The following ADCY8 variants were observed in gnomAD, a reference collection of about 807,000 sequenced individuals.
The protein encoded by ADCY8 is adenylate cyclase 8, also known as adenylate cyclase type 8.
In ADCY8, 51 loss-of-function variants were observed where a neutral mutation model predicts 119.7. The observed-to-expected ratio is 0.43, with a 90% confidence interval of 0.34 to 0.54. The LOEUF (loss-of-function observed/expected upper bound fraction) is 0.54, where lower values mean the gene tolerates loss of function less well. ADCY8 is among the 20% of genes least tolerant of loss of function. The pLI is 0.03. For synonymous variants in ADCY8, 665 were observed against 651.0 expected, an observed-to-expected ratio of 1.02 and a Z score of -0.33; for missense variants, 1,383 against 1,598.8, an observed-to-expected ratio of 0.87 and a Z score of 2.30.
intron 14 of ADCY8, among the ~76,000 whole-genome samples, chr8:130,805,040 C>T (rs185611497): frequency 1.2e-3 from 187 of 151,864 alleles, no homozygotes; most frequent in African/African-American, 4.3e-3. Flanking sequence ...AGCTACTGCC[C>T]CCAGCCTCAT....
chr8:130,981,664 T>C lies in ADCY8; in HGVS notation c.1110+8729A>G, dbSNP rs542668544. On this transcript the variant is annotated intron_variant, in intron 2 of 17. Coordinates refer to ENST00000286355, the MANE Select transcript of ADCY8 (RefSeq NM_001115.3). ...TGCAAATTATAATTGCACATGAGCA[T>C]AGGGTCATGAACTGTCTTTGAATCA... Among the ~76,000 whole-genome samples, 4 of 152,354 alleles carry C rather than the reference T, an allele frequency of 2.6e-5. No homozygotes were observed. In the South Asian group the frequency reaches 8.3e-4, roughly 32 times the overall value.
chr8:130,952,875 G>A (rs1821315990), intron 2 of ADCY8, among the ~76,000 whole-genome samples: 1 of 152,142 alleles, frequency 6.6e-6, no homozygotes. Context: ...TACACTTACA[G>A]AAACAGCGAA....
chr8:130,841,058 A>C (rs996565475), intron 11 of ADCY8, among the ~76,000 whole-genome samples: 11 of 152,224 alleles, frequency 7.2e-5, no homozygotes, highest in Non-Finnish European at 1.5e-4. Flanking sequence ...GAGGTGTGAA[A>C]GAGACCAGAT....
At chr8:130,945,660 T>C (rs1821085482) in intron 3 of ADCY8, among the ~76,000 whole-genome samples, 1 of 152,240 alleles carries the variant, frequency 6.6e-6, no homozygotes. Context: ...TATAATTGCA[T>C]GTTATATTTG....
At chr8:130,899,056 A>C (rs558373223) in intron 7 of ADCY8, among the ~76,000 whole-genome samples, 1 of 152,282 alleles carries the variant, frequency 6.6e-6, no homozygotes, top group East Asian at 1.9e-4. Context: ...TGCTCTAGCC[A>C]CTTGGGACTT....
At chr8:130,958,375 G>A (rs192339831) in intron 2 of ADCY8, among the ~76,000 whole-genome samples, 3 of 152,156 alleles carry the variant, frequency 2.0e-5, no homozygotes, top group Non-Finnish European at 2.9e-5. Flanking sequence ...TTACCCTCTC[G>A]TGGAGACCTC....
At chr8:131,010,333 C>A (rs954467055) in intron 1 of ADCY8, among the ~76,000 whole-genome samples, 1 of 152,188 alleles carries the variant, frequency 6.6e-6, no homozygotes, top group Non-Finnish European at 1.5e-5. Flanking sequence ...TAAAATCCAA[C>A]TATTATTTGC....
intron 6 of ADCY8, among the ~76,000 whole-genome samples, chr8:130,906,185 G>A (rs559075332): frequency 6.6e-6 from 1 of 152,260 alleles, no homozygotes; most frequent in Admixed American, 6.5e-5. Flanking sequence ...TAATACATAT[G>A]AACTCAATAA....
chr8:130,885,467 T>A (rs1395957927), intron 7 of ADCY8, among the ~76,000 whole-genome samples: 1 of 152,044 alleles, frequency 6.6e-6, no homozygotes, highest in Non-Finnish European at 1.5e-5. Flanking sequence ...GGGAAAGGCA[T>A]AACCACCACG....
intron 2 of ADCY8, among the ~76,000 whole-genome samples, chr8:130,974,200 G>A (rs530532006): frequency 1.4e-4 from 22 of 152,346 alleles, no homozygotes; most frequent in African/African-American, 5.3e-4. Flanking sequence ...AAGAATGGCA[G>A]CCTTTGCTGG....
intron 4 of ADCY8, among the ~76,000 whole-genome samples, chr8:130,941,295 T>C (rs1426233471): frequency 6.6e-6 from 1 of 152,184 alleles, no homozygotes; most frequent in Non-Finnish European, 1.5e-5. Context: ...CATGTGATTT[T>C]CCCTTGCCAG....
chr8:130,896,872 A>T (rs1354340234), intron 7 of ADCY8, among the ~76,000 whole-genome samples: 2 of 152,104 alleles, frequency 1.3e-5, no homozygotes, highest in African/African-American at 4.8e-5. Context: ...TCTGAAGTGT[A>T]TGTGGCTCAC....
intron 2 of ADCY8, among the ~76,000 whole-genome samples, chr8:130,984,194 C>G (rs1360626397): frequency 1.3e-5 from 2 of 150,700 alleles, no homozygotes; most frequent in Admixed American, 1.3e-4. Context: ...GTGGGGAGGA[C>G]AGGAGCCTGC....
intron 7 of ADCY8, among the ~76,000 whole-genome samples, chr8:130,900,840 G>A (rs1819574432): frequency 6.6e-6 from 1 of 152,138 alleles, no homozygotes; most frequent in Non-Finnish European, 1.5e-5. Context: ...CACATCCCTT[G>A]CACAGTTCTT....
chr8:130,982,683 A>T (rs1169623888), intron 2 of ADCY8, among the ~76,000 whole-genome samples: 2 of 148,692 alleles, frequency 1.3e-5, no homozygotes, highest in Non-Finnish European at 2.9e-5. Flanking sequence ...CCACATATAT[A>T]ATTTAAAAAT....
chr8:130,942,767 G>A (rs1383150707), intron 4 of ADCY8, among the ~76,000 whole-genome samples: 1 of 152,196 alleles, frequency 6.6e-6, no homozygotes, highest in Non-Finnish European at 1.5e-5. Context: ...TAACTCAAGT[G>A]GCTTTAGGAC....
intron 5 of ADCY8, among the ~76,000 whole-genome samples, chr8:130,931,457 T>C (rs181828184): frequency 7.2e-5 from 11 of 152,298 alleles, no homozygotes; most frequent in Admixed American, 7.2e-4. Context: ...GATCTTTGAC[T>C]TTCATGTACC....
At chr8:131,002,405 G>T (rs1347971322) in intron 1 of ADCY8, among the ~76,000 whole-genome samples, 1 of 152,214 alleles carries the variant, frequency 6.6e-6, no homozygotes, top group Non-Finnish European at 1.5e-5. Context: ...TAAGGATTCA[G>T]TGAAGAAAGG....
At chr8:130,928,236 T>A (rs906874845) in intron 5 of ADCY8, among the ~76,000 whole-genome samples, 23 of 152,158 alleles carry the variant, frequency 1.5e-4, no homozygotes, top group Admixed American at 1.0e-3. Flanking sequence ...CACACCCACA[T>A]AATTTTTAAA....
Sources: gnomAD v4.1 joint callset for allele counts (sites outside exome capture counted in the v4.1 genomes callset) on GRCh38, gnomAD v4.1.1 for gene constraint, MANE v1.5 for transcripts, NCBI Gene and HGNC (gene_info 2026-07-23, HGNC 2026-07-21) for gene names.